Variants in ENOPH1 observed in about 807,000 individuals in gnomAD.
ENOPH1 encodes enolase-phosphatase 1, also known as enolase-phosphatase E1.
Under a neutral mutation model 31.1 loss-of-function variants are expected in ENOPH1, and 14 were observed. The ratio of observed to expected loss-of-function variants is 0.45; its 90% CI spans 0.30 to 0.70. The LOEUF (loss-of-function observed/expected upper bound fraction) is 0.70, where lower values mean the gene tolerates loss of function less well. Among genes scored for constraint, ENOPH1 ranks in the 30% least tolerant of loss-of-function variants. ENOPH1 has a pLI of 0.09. For missense variants in ENOPH1, 243 were observed against 321.5 expected (o/e 0.76, Z 1.87); for synonymous variants, 127 against 123.2 (o/e 1.03, Z -0.21).
At chr4:82,450,472 T>C (rs1578100885) in intron 2 of ENOPH1, among the ~76,000 whole-genome samples, 1 of 152,274 alleles carries the variant, frequency 6.6e-6, no homozygotes, top group African/African-American at 2.4e-5. Flanking sequence ...ACATACATAG[T>C]CCCCCATTAT....
intron 5 of ENOPH1, among the ~76,000 whole-genome samples, chr4:82,457,882 A>T (rs1156483427): frequency 6.6e-6 from 1 of 152,142 alleles, no homozygotes; most frequent in Admixed American, 6.5e-5. Flanking sequence ...TTGGGATCAC[A>T]TAGTACATCT....
intron 1 of ENOPH1, among the ~76,000 whole-genome samples, chr4:82,439,052 G>A (rs540433601): frequency 5.7e-4 from 87 of 152,254 alleles, no homozygotes; most frequent in African/African-American, 1.9e-3. Context: ...CTAAAGAGTC[G>A]TGTGGAAAGT....
At chr4:82,431,007 T>C in intron 1 of ENOPH1, 94 bp downstream of exon 1, 1 of 1,118,186 alleles carries the variant, frequency 8.9e-7, no homozygotes, top group East Asian at 2.7e-5. Context: ...AGACGAGGGT[T>C]AGGAGAGGCG....
chr4:82,451,590 C>G (rs545246689), intron 3 of ENOPH1, among the ~76,000 whole-genome samples: 2 of 152,286 alleles, frequency 1.3e-5, no homozygotes, highest in Non-Finnish European at 1.5e-5. Flanking sequence ...CTTGCCTGGA[C>G]TGTTAATTAC....
chr4:82,459,727 G>C (rs1477737721), intron 5 of ENOPH1, among the ~76,000 whole-genome samples: 1 of 151,996 alleles, frequency 6.6e-6, no homozygotes, highest in Non-Finnish European at 1.5e-5. Context: ...CAGAAGTGTA[G>C]GATACACTGC....
intron 1 of ENOPH1, among the ~76,000 whole-genome samples, chr4:82,442,495 G>A (rs1722066176): frequency 1.3e-5 from 2 of 152,030 alleles, no homozygotes; most frequent in Non-Finnish European, 2.9e-5. Flanking sequence ...ATTCCACCCT[G>A]GGTGACAGAG....
At chr4:82,454,187 C>T (rs1722424343) in intron 3 of ENOPH1, among the ~76,000 whole-genome samples, 1 of 152,154 alleles carries the variant, frequency 6.6e-6, no homozygotes, top group Non-Finnish European at 1.5e-5. Flanking sequence ...GCACTCCAGC[C>T]TAGGCAACAG....
chr4:82,461,084 TTCAC>T lies in ENOPH1; in HGVS notation c.*968_*971del, dbSNP rs1237568443. The stretch of plus-strand genomic sequence containing the variant: ...TTGTGATTAATAAAAGCATTTTTTC[TTCAC>T]TCAGTTTTATATAGGTTCCTGAACT... On this transcript the variant is annotated 3_prime_UTR_variant, in exon 6 of 6. Transcript: ENST00000273920. 1 of 152,218 alleles carries T rather than the reference TTCAC, an allele frequency of 6.6e-6. No homozygotes were observed. The highest frequency in any genetic ancestry group is 1.5e-5 in the Non-Finnish European group (1 of 68,028). The allele number at this position is 152,218 out of a possible 1,614,324, so 9.4% of individuals were successfully genotyped here.
Position 82,460,270 on chromosome 4 carries a change from C to T in ENOPH1, c.*150C>T, listed in dbSNP as rs1722612688. 1 of 656,044 alleles carries T rather than the reference C, an allele frequency of 1.5e-6. No individual in the cohort carries two copies. Among genetic ancestry groups the T allele is most frequent in the Non-Finnish European group, 2.5e-6 (1 of 404,740 alleles). 40.6% of individuals were successfully genotyped at this position (656,044 alleles called of 1,614,324 possible). A position where few individuals can be genotyped will look rare whatever the true frequency, so the allele number is the denominator to read the frequency against. ...ATATGTGTATGCTCAGATTAACTTC[C>T]ATAGGTACATAAGTGAAAGAAGTCT... On this transcript the variant is annotated 3_prime_UTR_variant, in exon 6 of 6. Transcript: ENST00000273920.
chr4:82,440,685 C>T (rs1287037407), intron 1 of ENOPH1, among the ~76,000 whole-genome samples: 1 of 152,198 alleles, frequency 6.6e-6, no homozygotes, highest in East Asian at 1.9e-4. Context: ...ATTACTAGCC[C>T]TCTTGTACTG....
intron 5 of ENOPH1, 80 bp from the exon 6 acceptor site, chr4:82,459,901 C>T (rs1722601055): frequency 1.3e-6 from 2 of 1,507,274 alleles, no homozygotes; most frequent in Admixed American, 1.7e-5. Context: ...ATCCCCACAT[C>T]CCCCTGCTGA....
chr4:82,451,239 A>G lies in ENOPH1; in HGVS notation c.383A>G (p.Lys128Arg). ...GCGGCATTCACAGCTGGGCGCATGA[A>G]AGCAGAGTATGTGCTTGAGTCAGCC... ...WRAAFTAGRM[K>R]AEFFADVVPA... The change falls in exon 3 of 6, where the codon AAA (lysine) becomes AGA (arginine). Residue 128 changes from lysine to arginine, a missense_variant. Coordinates refer to ENST00000273920, the MANE Select transcript of ENOPH1 (RefSeq NM_021204.5). 6.2e-7 allele frequency: 1 copy of G among 1,614,196 alleles called. No individual in the cohort carries two copies. The highest frequency in any genetic ancestry group is 8.5e-7 in the Non-Finnish European group (1 of 1,180,032).
chr4:82,446,800 G>A (rs1490406272), intron 1 of ENOPH1, among the ~76,000 whole-genome samples: 13 of 144,676 alleles, frequency 9.0e-5, no homozygotes, highest in East Asian at 2.2e-4. Context: ...TCCGCTTCCC[G>A]GGTTCACGCC....
rs1722502036 is a variant in ENOPH1, at chr4:82,456,840, A to G, written c.523-75A>G. On this transcript the variant is annotated intron_variant, in intron 4 of 5. Transcript: ENST00000273920. Reference sequence around the variant, plus strand: ...AACGAATGAAGTAATTGTGATTGTCATGTATTTCAGAGAAAGGCATGAGGG... The same window carrying G: ...AACGAATGAAGTAATTGTGATTGTCGTGTATTTCAGAGAAAGGCATGAGGG... The G allele has an allele frequency of 2.6e-6, 4 of 1,542,510 alleles. No individual in the cohort carries two copies. The South Asian group carries it at 4.9e-5, about 19-fold the overall frequency.
intron 5 of ENOPH1, among the ~76,000 whole-genome samples, chr4:82,458,837 A>C (rs147471370): frequency 6.6e-6 from 1 of 152,286 alleles, no homozygotes; most frequent in East Asian, 1.9e-4. Context: ...ATTCCCACAC[A>C]GAGAGGGGAG....
chr4:82,454,127 T>A (rs1409924480), intron 3 of ENOPH1, among the ~76,000 whole-genome samples: 1 of 151,238 alleles, frequency 6.6e-6, no homozygotes, highest in Non-Finnish European at 1.5e-5. Flanking sequence ...GGTGGGAGGA[T>A]CACTCGAGCC....
At chr4:82,432,113 G>A (rs1721786027) in intron 1 of ENOPH1, among the ~76,000 whole-genome samples, 1 of 151,976 alleles carries the variant, frequency 6.6e-6, no homozygotes. Flanking sequence ...ACGGGGTTTC[G>A]CCATATTGCC....
chr4:82,432,815 T>C lies in ENOPH1; in HGVS notation c.84+1902T>C, dbSNP rs554006124. On this transcript the variant is annotated intron_variant, in intron 1 of 5. Coordinates refer to ENST00000273920, the MANE Select transcript of ENOPH1 (RefSeq NM_021204.5). ...CCACCACGCCCGGCTAATTTTTGTA[T>C]TTTTAGTTGACCAGGCTGGTCTGAC... Among the ~76,000 whole-genome samples the C allele has an allele frequency of 9.9e-5, 15 of 152,050 alleles. No individual in the cohort carries two copies. The East Asian group carries it at 2.7e-3, about 27-fold the overall frequency.
At chr4:82,448,412 C>T (rs1018159472) in intron 2 of ENOPH1, among the ~76,000 whole-genome samples, 1 of 151,810 alleles carries the variant, frequency 6.6e-6, no homozygotes, top group Non-Finnish European at 1.5e-5. Flanking sequence ...AGGCACCTGC[C>T]ACCATGCCCA....
Sources: allele counts gnomAD v4.1 joint callset (sites outside exome capture counted in the v4.1 genomes callset), GRCh38; gene constraint gnomAD v4.1.1; transcripts MANE v1.5; gene names NCBI Gene and HGNC (gene_info 2026-07-23, HGNC 2026-07-21).